The following RBFOX1 variants were observed in gnomAD, a reference collection of about 807,000 sequenced individuals.
RBFOX1 encodes RNA binding protein fox-1 homolog 1.
Under a neutral mutation model 57.7 loss-of-function variants are expected in RBFOX1, and 8 were observed. The ratio of observed to expected loss-of-function variants is 0.14; its 90% CI spans 0.08 to 0.25. The LOEUF is 0.25. Ranked by LOEUF, RBFOX1 falls within the 10% of genes least tolerant of loss-of-function variation. The pLI is 1.00. For missense variants in RBFOX1, 611 were observed against 548.5 expected, an observed-to-expected ratio of 1.11 and a Z score of -1.14; for synonymous variants, 326 against 222.4, an observed-to-expected ratio of 1.47 and a Z score of -4.15.
intron 1 of RBFOX1, among the ~76,000 whole-genome samples, chr16:6,262,444 A>G (rs575065882): frequency 2.0e-5 from 3 of 152,250 alleles, no homozygotes; most frequent in Admixed American, 2.0e-4. Context: ...TCTTAAGAAA[A>G]AAAGGAGAGA....
chr16:6,166,842 C>T (rs1483628720), intron 1 of RBFOX1, among the ~76,000 whole-genome samples: 1 of 152,078 alleles, frequency 6.6e-6, no homozygotes, highest in East Asian at 1.9e-4. Flanking sequence ...GCCTCCATTT[C>T]GGCTCACTGC....
chr16:5,867,057 T>C (rs946961404), intron 3 of RBFOX1, among the ~76,000 whole-genome samples: 1 of 152,216 alleles, frequency 6.6e-6, no homozygotes, highest in Non-Finnish European at 1.5e-5. Flanking sequence ...GACAAGATTG[T>C]TATAATATGT....
At chr16:5,763,322 G>T (rs1168107754) in intron 3 of RBFOX1, among the ~76,000 whole-genome samples, 1 of 152,198 alleles carries the variant, frequency 6.6e-6, no homozygotes, top group Non-Finnish European at 1.5e-5. Context: ...GCGCTCCTTT[G>T]TTCATGCTGC....
chr16:6,549,143 AGGGAAGGAGGAGGGGGG>A (rs1275681381), intron 2 of RBFOX1, among the ~76,000 whole-genome samples: 1 of 10,644 alleles, frequency 9.4e-5, no homozygotes, highest in Non-Finnish European at 1.6e-4. Context: ...GAGGAGGAGG[AGGGAAGGAGGAGGGGGG>A]GGGAAGGAGG....
rs186725426 is a variant in RBFOX1, at chr16:7,220,039, A to C, written c.27+167941A>C. On this transcript the variant is annotated intron_variant, in intron 4 of 15. Transcript: ENST00000550418. The stretch of plus-strand genomic sequence containing the variant: ...GATTAAGCCTTCATTTTAAAATTAA[A>C]GGTGTCTTAAATGGAGTTGCATTGT... Among the ~76,000 whole-genome samples the C allele has an allele frequency of 5.9e-5, 9 of 152,280 alleles. No homozygotes were observed. The East Asian group carries it at 1.7e-3, about 29-fold the overall frequency.
intron 4 of RBFOX1, among the ~76,000 whole-genome samples, chr16:5,916,097 C>A (rs2058698192): frequency 6.6e-6 from 1 of 152,074 alleles, no homozygotes; most frequent in Non-Finnish European, 1.5e-5. Context: ...GGACTTTAAG[C>A]CGTATCTCAA....
intron 14 of RBFOX1, among the ~76,000 whole-genome samples, chr16:7,678,992 C>T (rs1005362219): frequency 2.0e-5 from 3 of 152,154 alleles, no homozygotes; most frequent in African/African-American, 7.2e-5. Flanking sequence ...GAGAAATTTG[C>T]ACATTTGGTC....
chr16:6,487,146 G>GTGTGTGTGTGTGTGTC lies in RBFOX1; in HGVS notation c.-63-167442_-63-167441insCTGTGTGTGTGTGTGT, dbSNP rs1555498833. On this transcript the variant is annotated intron_variant, in intron 2 of 15. Transcript: ENST00000550418. ...GGTTTCAGTAAGTTGTGGGGTTTCT[G>GTGTGTGTGTGTGTGTC]TGTGTGTGTGTGTGTGTGTGTGTGT... Among the ~76,000 whole-genome samples, 16 of 70,674 alleles carry GTGTGTGTGTGTGTGTC rather than the reference G, an allele frequency of 2.3e-4. No individual in the cohort carries two copies. In the East Asian group the frequency reaches 5.2e-3, roughly 23 times the overall value. The allele number at this position is 70,674 out of a possible 152,430, so 46.4% of individuals were successfully genotyped here.
chr16:5,592,106 A>C (rs747017897), intron 2 of RBFOX1, among the ~76,000 whole-genome samples: 1 of 152,192 alleles, frequency 6.6e-6, no homozygotes, highest in Non-Finnish European at 1.5e-5. Context: ...GGGATTTCTT[A>C]ATGTGCATAA....
chr16:5,967,785 C>T (rs951508695), intron 4 of RBFOX1, among the ~76,000 whole-genome samples: 3 of 152,078 alleles, frequency 2.0e-5, no homozygotes, highest in African/African-American at 7.2e-5. Flanking sequence ...CACACAGGCT[C>T]AGAATTATAA....
intron 3 of RBFOX1, among the ~76,000 whole-genome samples, chr16:6,843,045 C>T (rs114941106): frequency 3.5e-3 from 538 of 152,140 alleles, no homozygotes; most frequent in African/African-American, 0.012. Flanking sequence ...TGTGTATGTG[C>T]CACGTGTTCT....
At chr16:5,369,353 G>A (rs930240797) in intron 1 of RBFOX1, among the ~76,000 whole-genome samples, 10 of 152,156 alleles carry the variant, frequency 6.6e-5, no homozygotes, top group African/African-American at 2.2e-4. Context: ...TCCCTTAGCC[G>A]TCTTTATCCT....
intron 1 of RBFOX1, among the ~76,000 whole-genome samples, chr16:5,445,236 A>C (rs951060332): frequency 6.6e-6 from 1 of 152,114 alleles, no homozygotes; most frequent in Non-Finnish European, 1.5e-5. Context: ...TAATATGACA[A>C]ATATTTAGAG....
chr16:6,034,236 G>A (rs2095331137), intron 1 of RBFOX1, among the ~76,000 whole-genome samples: 1 of 147,442 alleles, frequency 6.8e-6, no homozygotes, highest in African/African-American at 2.5e-5. Flanking sequence ...TTGGGAGGCT[G>A]AGGCAGAAGA....
chr16:5,764,100 G>T (rs984645194), intron 3 of RBFOX1, among the ~76,000 whole-genome samples: 2 of 152,190 alleles, frequency 1.3e-5, no homozygotes, highest in African/African-American at 4.8e-5. Flanking sequence ...GAATAAGAGA[G>T]AAGGCTGTGA....
chr16:7,419,258 C>G lies in RBFOX1; in HGVS notation c.28-98889C>G, dbSNP rs115323424. 2.4e-3 allele frequency among the ~76,000 whole-genome samples: 364 copies of G among 152,252 alleles called. 1 individual carries two copies. The highest frequency in any genetic ancestry group is 8.4e-3 in the African/African-American group (350 of 41,542). On this transcript the variant is annotated intron_variant, in intron 4 of 15. Transcript: ENST00000550418. ...ATCATGTCCTTAGTCTTGTTGGTTGCTGCCTTGTCCCTTTACCTGTTGTTC... is the reference window on the plus strand; with the variant it reads ...ATCATGTCCTTAGTCTTGTTGGTTGGTGCCTTGTCCCTTTACCTGTTGTTC...
At chr16:6,258,247 T>A in intron 1 of RBFOX1, among the ~76,000 whole-genome samples, 1 of 152,224 alleles carries the variant, frequency 6.6e-6, no homozygotes, top group East Asian at 1.9e-4. Flanking sequence ...GCAACTGTGC[T>A]CTTGTACATA....
chr16:6,802,396 G>A (rs1288588890), intron 3 of RBFOX1, among the ~76,000 whole-genome samples: 1 of 152,094 alleles, frequency 6.6e-6, no homozygotes, highest in Non-Finnish European at 1.5e-5. Context: ...CCATGTTATG[G>A]CCTGGCGCAG....
At chr16:5,580,023 G>T (rs1355489858) in intron 2 of RBFOX1, among the ~76,000 whole-genome samples, 1 of 152,050 alleles carries the variant, frequency 6.6e-6, no homozygotes, top group Non-Finnish European at 1.5e-5. Context: ...CACCCACCTT[G>T]GCCTCCCAAA....
Sources: gnomAD v4.1 joint callset for allele counts (sites outside exome capture counted in the v4.1 genomes callset) on GRCh38, gnomAD v4.1.1 for gene constraint, MANE v1.5 for transcripts, NCBI Gene and HGNC (gene_info 2026-07-23, HGNC 2026-07-21) for gene names.